The following MSRA variants were observed in gnomAD, a reference collection of about 807,000 sequenced individuals.
MSRA encodes methionine sulfoxide reductase A.
A neutral mutation model predicts 31.3 loss-of-function variants in MSRA; 54 were observed. The observed-to-expected ratio is 1.73, with a 90% CI of 1.39 to 2.17. The LOEUF is 2.17. Ranked by LOEUF, MSRA falls within the 30% of genes most tolerant of loss-of-function variation. The pLI is 0.00. For missense variants in MSRA, 507 were observed against 300.9 expected (o/e 1.69, Z -5.07); for synonymous variants, 169 against 116.5 (o/e 1.45, Z -2.90).
intron 3 of MSRA, among the ~76,000 whole-genome samples, chr8:10,246,252 C>T (rs1392942647): frequency 6.6e-6 from 1 of 152,184 alleles, no homozygotes; most frequent in Non-Finnish European, 1.5e-5. Flanking sequence ...GGGTGCTTTA[C>T]AGGAAAAAAA....
chr8:10,370,164 T>G (rs1805397946), intron 5 of MSRA, among the ~76,000 whole-genome samples: 1 of 152,244 alleles, frequency 6.6e-6, no homozygotes, highest in Admixed American at 6.5e-5. Flanking sequence ...CCCTCAAGCC[T>G]GGTTCATTAG....
At chr8:10,195,959 G>C (rs1432331330) in intron 1 of MSRA, among the ~76,000 whole-genome samples, 1 of 152,232 alleles carries the variant, frequency 6.6e-6, no homozygotes, top group Non-Finnish European at 1.5e-5. Flanking sequence ...TGAAAGGTTG[G>C]TGTTGGTCTG....
At chr8:10,125,481 G>C (rs916557232) in intron 1 of MSRA, among the ~76,000 whole-genome samples, 1 of 152,240 alleles carries the variant, frequency 6.6e-6, no homozygotes, top group Non-Finnish European at 1.5e-5. Context: ...ACCAGGGCCA[G>C]AGGGAGTCAG....
At chr8:10,138,905 C>T (rs962641721) in intron 1 of MSRA, among the ~76,000 whole-genome samples, 1 of 152,208 alleles carries the variant, frequency 6.6e-6, no homozygotes, top group Admixed American at 6.5e-5. Context: ...GAGCTAGCTA[C>T]CAGAAACAGG....
intron 1 of MSRA, among the ~76,000 whole-genome samples, chr8:10,149,959 A>G (rs1484347995): frequency 4.8e-4 from 7 of 14,508 alleles, no homozygotes; most frequent in African/African-American, 1.1e-3. Flanking sequence ...GTTGCTGGTA[A>G]GTGCTGTTTT....
intron 1 of MSRA, among the ~76,000 whole-genome samples, chr8:10,086,448 C>T (rs1585116985): frequency 1.3e-5 from 2 of 152,176 alleles, no homozygotes; most frequent in African/African-American, 4.8e-5. Flanking sequence ...TATGTTAATT[C>T]CAGCTTTGTG....
chr8:10,109,835 A>G (rs1283238661), intron 1 of MSRA, among the ~76,000 whole-genome samples: 2 of 152,218 alleles, frequency 1.3e-5, no homozygotes, highest in Non-Finnish European at 2.9e-5. Flanking sequence ...TGTTCAGGAC[A>G]GTGATCAAGT....
intron 4 of MSRA, among the ~76,000 whole-genome samples, chr8:10,318,678 G>T (rs955396101): frequency 2.0e-5 from 3 of 152,110 alleles, no homozygotes; most frequent in Non-Finnish European, 4.4e-5. Context: ...GATTCAATGG[G>T]TAGACAAGCA....
At chr8:10,337,977 G>C (rs1343487552) in intron 5 of MSRA, among the ~76,000 whole-genome samples, 2 of 152,182 alleles carry the variant, frequency 1.3e-5, no homozygotes, top group African/African-American at 4.8e-5. Context: ...CAGGAAAGCA[G>C]GGGTTAGGGG....
chr8:10,364,666 T>G (rs1242718184), intron 5 of MSRA, among the ~76,000 whole-genome samples: 2 of 152,246 alleles, frequency 1.3e-5, no homozygotes, highest in Admixed American at 1.3e-4. Flanking sequence ...TGAAAAGCAT[T>G]GTGTATCTTC....
At chr8:10,125,218 T>C (rs1585203932) in intron 1 of MSRA, among the ~76,000 whole-genome samples, 1 of 152,170 alleles carries the variant, frequency 6.6e-6, no homozygotes, top group Non-Finnish European at 1.5e-5. Flanking sequence ...TCTGGCTAGG[T>C]CATTCTTTCC....
chr8:10,305,563 G>A (rs572215412), intron 4 of MSRA, among the ~76,000 whole-genome samples: 73 of 152,076 alleles, frequency 4.8e-4, no homozygotes, highest in Middle Eastern at 3.4e-3. Flanking sequence ...ACAGGCATCC[G>A]CCACCACACC....
intron 2 of MSRA, among the ~76,000 whole-genome samples, chr8:10,240,153 G>A (rs372129898): frequency 6.6e-6 from 1 of 152,196 alleles, no homozygotes; most frequent in South Asian, 2.1e-4. Context: ...GTATGTGAGT[G>A]TAAGAACACA....
chr8:10,345,093 C>T (rs1279586310), intron 5 of MSRA, among the ~76,000 whole-genome samples: 4 of 152,130 alleles, frequency 2.6e-5, no homozygotes, highest in Non-Finnish European at 5.9e-5. Context: ...CCTGGGTTGG[C>T]TCTAGAGATG....
intron 2 of MSRA, among the ~76,000 whole-genome samples, chr8:10,212,897 T>A (rs1247788765): frequency 6.6e-6 from 1 of 152,208 alleles, no homozygotes; most frequent in African/African-American, 2.4e-5. Flanking sequence ...ATTTTTTAAT[T>A]TAAAAGTTTT....
chr8:10,117,646 A>C (rs1383748723), intron 1 of MSRA, among the ~76,000 whole-genome samples: 2 of 152,216 alleles, frequency 1.3e-5, no homozygotes, highest in African/African-American at 4.8e-5. Context: ...TACTGATGAG[A>C]GTGAAAACAA....
chr8:10,062,053 G>T (rs1245818874), intron 1 of MSRA, among the ~76,000 whole-genome samples: 1 of 152,198 alleles, frequency 6.6e-6, no homozygotes, highest in Non-Finnish European at 1.5e-5. Flanking sequence ...AGCCTGGCTG[G>T]GGGAGGAGAC....
chr8:10,211,179 G>C (rs566162200), intron 2 of MSRA, among the ~76,000 whole-genome samples: 8 of 152,270 alleles, frequency 5.3e-5, no homozygotes, highest in Middle Eastern at 3.4e-3. Flanking sequence ...GAAATGTCAG[G>C]AAAGACAGAT....
chr8:10,111,042 C>T (rs1800241145), intron 1 of MSRA, among the ~76,000 whole-genome samples: 1 of 152,166 alleles, frequency 6.6e-6, no homozygotes, highest in East Asian at 1.9e-4. Context: ...AGTTGGAGGT[C>T]AAGGAAGTGT....
Sources: gnomAD v4.1 joint callset for allele counts (sites outside exome capture counted in the v4.1 genomes callset) on GRCh38, gnomAD v4.1.1 for gene constraint, MANE v1.5 for transcripts, NCBI Gene and HGNC (gene_info 2026-07-23, HGNC 2026-07-21) for gene names.